The following DNAJC25 variants were observed in gnomAD, a reference collection of about 807,000 sequenced individuals.
DNAJC25 encodes dnaJ homolog subfamily C member 25.
A neutral mutation model predicts 42.1 loss-of-function variants in DNAJC25; 26 were observed. The ratio of observed to expected loss-of-function variants is 0.62; its 90% CI spans 0.45 to 0.86. The LOEUF is 0.86. Among genes scored for constraint, DNAJC25 ranks in the 40% least tolerant of loss-of-function variants. The probability of loss-of-function intolerance (pLI) is 0.00; values close to 1 mark genes in which losing one functional copy is unlikely to be tolerated. For synonymous variants in DNAJC25, 189 were observed against 179.9 expected, an observed-to-expected ratio of 1.05 and a Z score of -0.40; for missense variants, 404 against 459.4, an observed-to-expected ratio of 0.88 and a Z score of 1.10.
intron 3 of DNAJC25, among the ~76,000 whole-genome samples, chr9:111,652,358 A>AG (rs1390744228): frequency 6.6e-6 from 1 of 150,976 alleles, no homozygotes; most frequent in East Asian, 2.0e-4. Flanking sequence ...AAAAAAAAAA[A>AG]TACAAAAAAA....
intron 1 of DNAJC25, among the ~76,000 whole-genome samples, chr9:111,639,921 C>CGT (rs1489534919): frequency 7.4e-4 from 104 of 141,338 alleles, no homozygotes; most frequent in African/African-American, 2.3e-3. Flanking sequence ...TCTCCCTCTC[C>CGT]CTCTCCCTCT....
At chr9:111,633,857 A>C (rs1474352716) in intron 1 of DNAJC25, among the ~76,000 whole-genome samples, 1 of 152,200 alleles carries the variant, frequency 6.6e-6, no homozygotes, top group Non-Finnish European at 1.5e-5. Flanking sequence ...AGCTAATGAA[A>C]AGCTAGATAA....
In DNAJC25 at chr9:111,653,888, C is replaced by T. The variant is rs1830703119; in HGVS notation, c.*666C>T. ...AACTCTCCAGGAGAGTGAGTCTACCCTCACGTCCTTGTAGGATGATCTTGA... is the reference window on the plus strand; with the variant it reads ...AACTCTCCAGGAGAGTGAGTCTACCTTCACGTCCTTGTAGGATGATCTTGA... On this transcript the variant is annotated 3_prime_UTR_variant, in exon 4 of 4. Transcript: ENST00000313525. 1 of 152,512 alleles carries T rather than the reference C, an allele frequency of 6.6e-6. No homozygotes were observed. Among genetic ancestry groups the T allele is most frequent in the East Asian group, 1.9e-4 (1 of 5,194 alleles). The allele number at this position is 152,512 out of a possible 1,614,324, so 9.4% of individuals were successfully genotyped here.
At chr9:111,639,733 AT>A (rs1395434547) in intron 1 of DNAJC25, among the ~76,000 whole-genome samples, 3 of 151,574 alleles carry the variant, frequency 2.0e-5, no homozygotes, top group Admixed American at 6.6e-5. Context: ...TTAAAAAAAA[AT>A]AGTAAGATTA....
intron 1 of DNAJC25, among the ~76,000 whole-genome samples, chr9:111,633,139 A>G (rs1830312378): frequency 6.6e-6 from 1 of 152,190 alleles, no homozygotes; most frequent in Non-Finnish European, 1.5e-5. Flanking sequence ...ACTTCAGCAT[A>G]TGAAGCTCCA....
chr9:111,647,976 A>G (rs1830593011), intron 2 of DNAJC25, among the ~76,000 whole-genome samples: 1 of 151,984 alleles, frequency 6.6e-6, no homozygotes, highest in Non-Finnish European at 1.5e-5. Flanking sequence ...ACGGGGTTTC[A>G]CCATGTTGGC....
At chr9:111,647,877 C>T (rs1186657683) in intron 2 of DNAJC25, among the ~76,000 whole-genome samples, 2 of 152,200 alleles carry the variant, frequency 1.3e-5, no homozygotes, top group Non-Finnish European at 2.9e-5. Context: ...CTCCTGGGTT[C>T]AAGCGATTCC....
rs575353752 is a variant in DNAJC25, at chr9:111,638,207, T to C, written c.336+6464T>C. 8.3e-4 allele frequency among the ~76,000 whole-genome samples: 126 copies of C among 152,348 alleles called. 2 individuals are homozygous for C. In the South Asian group the frequency reaches 8.9e-3, roughly 11 times the overall value. The stretch of plus-strand genomic sequence containing the variant: ...CATGTGTCAGAGATTTTATTTAACA[T>C]ATTAATCAATGAGGGAACCAGTAAG... On this transcript the variant is annotated intron_variant, in intron 1 of 3. Coordinates refer to ENST00000313525, the MANE Select transcript of DNAJC25 (RefSeq NM_001015882.3).
At chr9:111,645,787 A>AT (rs945401147) in intron 1 of DNAJC25, among the ~76,000 whole-genome samples, 7 of 148,728 alleles carry the variant, frequency 4.7e-5, no homozygotes, top group Admixed American at 2.6e-4. Context: ...TTCCTCTAAG[A>AT]TAAAAAAAAC....
chr9:111,644,108 C>T (rs1055517296), intron 1 of DNAJC25, among the ~76,000 whole-genome samples: 1 of 152,076 alleles, frequency 6.6e-6, no homozygotes, highest in Non-Finnish European at 1.5e-5. Context: ...AATGCTGTAA[C>T]GAGGAAGTGG....
chr9:111,640,892 C>CA (rs1276127006), intron 1 of DNAJC25, among the ~76,000 whole-genome samples: 4 of 92,242 alleles, frequency 4.3e-5, no homozygotes, highest in Non-Finnish European at 7.7e-5. Context: ...GGTGGGGGGT[C>CA]AGCCCCCCCG....
rs1295799030 is a variant in DNAJC25 at position 111,654,175 on chromosome 9, C to G, written c.*953C>G. ...ACATGGCTGTGTGCTCTTCTGTCAA[C>G]CAATGAAATGTGTTTTCACATGTGT... On this transcript the variant is annotated 3_prime_UTR_variant, in exon 4 of 4. Transcript: ENST00000313525. The G allele has an allele frequency of 6.6e-6, 1 of 152,184 alleles. No homozygotes were observed. Among genetic ancestry groups the G allele is most frequent in the African/African-American group, 2.4e-5 (1 of 41,432 alleles). The allele number at this position is 152,184 out of a possible 1,614,324, so 9.4% of individuals were successfully genotyped here. A position where few individuals can be genotyped will look rare whatever the true frequency, so the allele number is the denominator to read the frequency against.
Position 111,647,160 on chromosome 9 carries a change from C to T in DNAJC25, c.390C>T (p.Tyr130=). The change falls in exon 2 of 4, where the codon TAC becomes TAT. Residue 130 remains tyrosine, a synonymous_variant. Transcript: ENST00000313525. ...YDYMLDHPEE[Y]YSHYYHYYSR... ...ACATGCTGGATCATCCAGAAGAGTA[C>T]TACAGCCATTACTACCACTACTATA... 1 of 1,614,146 alleles carries T rather than the reference C, an allele frequency of 6.2e-7. No homozygotes were observed. The highest frequency in any genetic ancestry group is 2.2e-5 in the East Asian group (1 of 44,872).
At chr9:111,638,714 A>G (rs546944624) in intron 1 of DNAJC25, among the ~76,000 whole-genome samples, 14 of 152,112 alleles carry the variant, frequency 9.2e-5, no homozygotes, top group Non-Finnish European at 1.9e-4. Context: ...TCTTTTTCTT[A>G]GCTGCTAAAA....
At position 111,631,606 on chromosome 9, in the gene DNAJC25, C is replaced by T; in HGVS notation, c.199C>T (p.Arg67Trp). 3 of 1,485,432 alleles carry T rather than the reference C, an allele frequency of 2.0e-6. No homozygotes were observed. Among genetic ancestry groups the T allele is most frequent in the Non-Finnish European group, 2.7e-6 (3 of 1,125,852 alleles). The allele number at this position is 1,485,432 out of a possible 1,614,324, so 92.0% of individuals were successfully genotyped here. ...CTCGGCGGGCAAGGCGGAGATCGCG[C>T]GGGCCTACCGCCAGCTGGCCCGGCG... Reference protein sequence around the residue: ...SRSAGKAEIARAYRQLARRYH... With the variant: ...SRSAGKAEIAWAYRQLARRYH... Residue 67 changes from arginine to tryptophan, a missense_variant, in exon 1 of 4, where the codon CGG (arginine) becomes TGG (tryptophan). Transcript: ENST00000313525.
At chr9:111,646,945 G>A in intron 1 of DNAJC25, 162 bp from the exon 2 acceptor site, 1 of 688,974 alleles carries the variant, frequency 1.5e-6, no homozygotes, top group Non-Finnish European at 2.1e-6. Context: ...AATTTACATG[G>A]CTTTGAAGAG....
chr9:111,641,136 A>G (rs1403907310), intron 1 of DNAJC25, among the ~76,000 whole-genome samples: 4 of 102,164 alleles, frequency 3.9e-5, no homozygotes, highest in Non-Finnish European at 5.6e-5. Flanking sequence ...TGGGGGGGTC[A>G]GCCCCCCCAC....
chr9:111,634,210 C>A (rs1383526156), intron 1 of DNAJC25, among the ~76,000 whole-genome samples: 1 of 152,138 alleles, frequency 6.6e-6, no homozygotes, highest in Non-Finnish European at 1.5e-5. Flanking sequence ...AAGTGGAGCA[C>A]CTCCAAGAAC....
At chr9:111,650,457 TA>T (rs1830642502) in intron 3 of DNAJC25, among the ~76,000 whole-genome samples, 1 of 152,234 alleles carries the variant, frequency 6.6e-6, no homozygotes, top group Non-Finnish European at 1.5e-5. Context: ...GTAATGCCTC[TA>T]AACTTTCAGG....
Sources: allele counts gnomAD v4.1 joint callset (sites outside exome capture counted in the v4.1 genomes callset), GRCh38; gene constraint gnomAD v4.1.1; transcripts MANE v1.5; gene names NCBI Gene and HGNC (gene_info 2026-07-23, HGNC 2026-07-21).